The following ZC3H6 variants were observed in gnomAD, a reference collection of about 807,000 sequenced individuals.
ZC3H6 encodes zinc finger CCCH domain-containing protein 6.
ZC3H6 carries 40 observed loss-of-function variants against 107.7 expected under a neutral mutation model. That is an observed-to-expected ratio of 0.37 (90% CI 0.29 to 0.48). The LOEUF (loss-of-function observed/expected upper bound fraction) is 0.48, where lower values mean the gene tolerates loss of function less well. ZC3H6 is among the 20% of genes least tolerant of loss of function. The pLI is 0.98. For missense variants in ZC3H6, 1,267 were observed against 1,410.4 expected (o/e 0.90, Z 1.63); for synonymous variants, 493 against 487.9 (o/e 1.01, Z -0.14).
chr2:112,289,088 G>A lies in ZC3H6; in HGVS notation c.33-10761G>A, dbSNP rs973932910. 6.2e-5 allele frequency among the ~76,000 whole-genome samples: 8 copies of A among 129,368 alleles called. No individual in the cohort carries two copies. The East Asian group carries it at 1.1e-3, about 18-fold the overall frequency. 84.9% of individuals were successfully genotyped at this position (129,368 alleles called of 152,430 possible). On this transcript the variant is annotated intron_variant, in intron 1 of 11. Transcript: ENST00000409871. Reference sequence around the variant, plus strand: ...TTTTTTTTTTTTGAGACAGAATCCCGCCCTGTTGCCCAGGCTGGAGTGCAG... The same window carrying A: ...TTTTTTTTTTTTGAGACAGAATCCCACCCTGTTGCCCAGGCTGGAGTGCAG...
At chr2:112,287,399 T>C (rs547231453) in intron 1 of ZC3H6, among the ~76,000 whole-genome samples, 4 of 152,232 alleles carry the variant, frequency 2.6e-5, no homozygotes, top group Non-Finnish European at 5.9e-5. Flanking sequence ...TGCAATAGTC[T>C]GTCTCTGCTT....
chr2:112,320,942 T>C (rs142435041), intron 7 of ZC3H6, among the ~76,000 whole-genome samples: 1 of 152,214 alleles, frequency 6.6e-6, no homozygotes, highest in East Asian at 1.9e-4. Context: ...TATATTTTTA[T>C]TTTACTAAGA....
At chr2:112,282,144 A>C (rs1352670620) in intron 1 of ZC3H6, among the ~76,000 whole-genome samples, 12 of 152,212 alleles carry the variant, frequency 7.9e-5, no homozygotes, top group Admixed American at 7.9e-4. Context: ...GATCTGCCTC[A>C]CTAGGGTAGA....
intron 1 of ZC3H6, among the ~76,000 whole-genome samples, chr2:112,287,951 C>T (rs1359734691): frequency 6.6e-6 from 1 of 152,184 alleles, no homozygotes; most frequent in Non-Finnish European, 1.5e-5. Flanking sequence ...CATGGCATGC[C>T]TTTCTGTTTT....
chr2:112,319,923 T>A (rs1288799610), intron 7 of ZC3H6, among the ~76,000 whole-genome samples: 1 of 152,160 alleles, frequency 6.6e-6, no homozygotes, highest in Non-Finnish European at 1.5e-5. Flanking sequence ...TGTGTATATG[T>A]TTATACACAT....
chr2:112,324,320 A>G lies in ZC3H6; in HGVS notation c.1509A>G (p.Pro503=), dbSNP rs1204014185. The G allele has an allele frequency of 6.2e-7, 1 of 1,614,016 alleles. No homozygotes were observed. Among genetic ancestry groups the G allele is most frequent in the East Asian group, 2.2e-5 (1 of 44,886 alleles). The change falls in exon 10 of 12, where the codon CCA becomes CCG. Residue 503 remains proline, a synonymous_variant. Coordinates refer to ENST00000409871, the MANE Select transcript of ZC3H6 (RefSeq NM_198581.3). ...ACCCAGGCTCCCCTGGACATCACCC[A>G]TGTGCAGGACCTCCTGGTCTACCAG... is the stretch of plus-strand genomic sequence containing the variant. ...VMHPGSPGHH[P]CAGPPGLPVP...
At chr2:112,304,122 G>T (rs941111419) in intron 3 of ZC3H6, among the ~76,000 whole-genome samples, 1 of 151,794 alleles carries the variant, frequency 6.6e-6, no homozygotes. Flanking sequence ...GCCAACGTGT[G>T]TTTTTTTTCT....
At position 112,324,468 on chromosome 2, in the gene ZC3H6, T is replaced by C. The variant is rs1462908791; in HGVS notation, c.1657T>C (p.Ser553Pro). ...TPPSMGGAYHSPGFPGHVMKV... is the reference protein window; with the variant it reads ...TPPSMGGAYHPPGFPGHVMKV... ...ACCAAGTATGGGTGGGGCTTACCAC[T>C]CCCCAGGCTTTCCAGGACATGTGAT... is the stretch of plus-strand genomic sequence containing the variant. The change falls in exon 10 of 12, where the codon TCC becomes CCC. Residue 553 changes from serine to proline, a missense_variant. Around this residue, in one of 3 missense-constraint regions of ZC3H6, gnomAD observed 925 missense variants for 1,025.7 expected, o/e 0.90. Coordinates refer to ENST00000409871, the MANE Select transcript of ZC3H6 (RefSeq NM_198581.3). 1 of 1,613,722 alleles carries C rather than the reference T, an allele frequency of 6.2e-7. No individual in the cohort carries two copies. The highest frequency in any genetic ancestry group is 1.7e-5 in the Admixed American group (1 of 59,998).
At chr2:112,290,571 A>G (rs986173792) in intron 1 of ZC3H6, among the ~76,000 whole-genome samples, 4 of 151,732 alleles carry the variant, frequency 2.6e-5, no homozygotes, top group Admixed American at 1.3e-4. Flanking sequence ...AGAAGAAACC[A>G]TGTCTTTTTC....
At chr2:112,329,297 T>C (rs772269396) in intron 11 of ZC3H6, among the ~76,000 whole-genome samples, 22 of 152,146 alleles carry the variant, frequency 1.4e-4, no homozygotes, top group Non-Finnish European at 2.6e-4. Flanking sequence ...GTATGCTTTA[T>C]AAATCATGAA....
At chr2:112,304,475 C>T (rs976954405) in intron 3 of ZC3H6, among the ~76,000 whole-genome samples, 4 of 152,168 alleles carry the variant, frequency 2.6e-5, no homozygotes, top group Non-Finnish European at 4.4e-5. Context: ...TGGTTTGTCA[C>T]TGGCCTCCTT....
chr2:112,329,814 G>A (rs1319814453), intron 11 of ZC3H6, among the ~76,000 whole-genome samples: 1 of 152,154 alleles, frequency 6.6e-6, no homozygotes, highest in Non-Finnish European at 1.5e-5. Flanking sequence ...TGGCAAGAAT[G>A]TGAACAGTAG....
intron 7 of ZC3H6, among the ~76,000 whole-genome samples, chr2:112,318,912 T>C (rs1676750211): frequency 6.6e-6 from 1 of 152,166 alleles, no homozygotes; most frequent in Admixed American, 6.5e-5. Flanking sequence ...AGATATTAAA[T>C]GCCTTTTGAT....
rs1676602806 is a variant in ZC3H6, at chr2:112,311,934, A to G, written c.744A>G (p.Gln248=). 1 of 1,610,492 alleles carries G rather than the reference A, an allele frequency of 6.2e-7. No individual in the cohort carries two copies. The highest frequency in any genetic ancestry group is 1.7e-5 in the Admixed American group (1 of 59,476). The change falls in exon 5 of 12, where the codon CAA becomes CAG. Residue 248 remains glutamine, a synonymous_variant. Transcript: ENST00000409871. ...TGTTTTCAGTATCGGATGACTTTCA[A>G]GAGGTACTAAGAATTTATGTATAAG... The part of the protein sequence containing the change: ...PNVFSVSDDF[Q]EYNKPGKKWK...
chr2:112,322,496 C>T (rs1676822768), intron 8 of ZC3H6, among the ~76,000 whole-genome samples, 153 bp from the exon 9 acceptor site: 5 of 152,120 alleles, frequency 3.3e-5, no homozygotes, highest in Admixed American at 6.5e-5. Context: ...CTGCCTTGGC[C>T]TTCCAAGGTG....
chr2:112,320,890 G>T (rs56048537), intron 7 of ZC3H6, among the ~76,000 whole-genome samples: 19,028 of 151,902 alleles, frequency 0.13, 1,361 homozygotes, highest in Non-Finnish European at 0.16. Flanking sequence ...TTAGCTTGTG[G>T]CTGCAGTTTT....
At position 112,301,265 on chromosome 2, in the gene ZC3H6, C is replaced by G. The variant is rs1014819125; in HGVS notation, c.213+1236C>G. On this transcript the variant is annotated intron_variant, in intron 2 of 11. Transcript: ENST00000409871. ...TTGGATGGTGCTGAAAAGATCTGGA[C>G]CTGATGAACCCCAAATATGAATCAA... Among the ~76,000 whole-genome samples the G allele has an allele frequency of 1.1e-4, 17 of 152,258 alleles. No homozygotes were observed. The East Asian group carries it at 3.3e-3, about 29-fold the overall frequency.
intron 11 of ZC3H6, among the ~76,000 whole-genome samples, chr2:112,326,604 T>G (rs918716495): frequency 3.3e-5 from 5 of 152,068 alleles, no homozygotes; most frequent in Non-Finnish European, 1.5e-5. Flanking sequence ...CTTTATCCAT[T>G]GTCTGTTTTT....
intron 1 of ZC3H6, among the ~76,000 whole-genome samples, chr2:112,292,332 C>A (rs999817211): frequency 6.6e-6 from 1 of 152,240 alleles, no homozygotes; most frequent in Non-Finnish European, 1.5e-5. Flanking sequence ...AAGGGCTTGG[C>A]ATTTGGCCTG....
Sources: gnomAD v4.1 joint callset for allele counts (sites outside exome capture counted in the v4.1 genomes callset) on GRCh38, gnomAD v4.1.1 for gene constraint, gnomAD v4.1.1 regional missense constraint, MANE v1.5 for transcripts, NCBI Gene and HGNC (gene_info 2026-07-23, HGNC 2026-07-21) for gene names.